PLCXD1: variants seen among roughly 807,000 people sequenced by gnomAD.
PLCXD1 encodes phosphatidylinositol specific phospholipase C X domain containing 1, also known as PI-PLC X domain-containing protein 1.
A neutral mutation model predicts 37.8 loss-of-function variants in PLCXD1; 45 were observed. That is an observed-to-expected ratio of 1.19 (90% CI 0.94 to 1.53). PLCXD1 has a LOEUF of 1.53. Among genes scored for constraint, PLCXD1 ranks in the 40% most tolerant of loss-of-function variants. The pLI, the probability that PLCXD1 is intolerant of heterozygous loss-of-function variation, is 0.00. For missense variants in PLCXD1, 539 were observed against 454.7 expected, an observed-to-expected ratio of 1.19 and a Z score of -1.69; for synonymous variants, 246 against 206.9, an observed-to-expected ratio of 1.19 and a Z score of -1.62.
intron 1 of PLCXD1, chrX:283,020 T>C (rs2069324822): frequency 6.8e-6 from 1 of 146,774 alleles, no homozygotes; most frequent in East Asian, 2.0e-4. Context: ...GTTATATATA[T>C]GTTATGTATA....
chrX:296,630 G>A (rs772885801), intron 6 of PLCXD1, among the ~76,000 whole-genome samples: 1 of 152,254 alleles, frequency 6.6e-6, no homozygotes, highest in Admixed American at 6.5e-5. Context: ...ACTATTGCAG[G>A]GACCCCACTT....
At chrX:290,578 A>G in intron 3 of PLCXD1, 70 bp from the exon 4 acceptor site, 2 of 1,575,616 alleles carry the variant, frequency 1.3e-6, no homozygotes, top group Non-Finnish European at 1.7e-6. Context: ...GGCCAACCCC[A>G]CAGCCCATTC....
At chrX:284,629 C>A (rs763160857) in intron 2 of PLCXD1, among the ~76,000 whole-genome samples, 1 of 149,642 alleles carries the variant, frequency 6.7e-6, no homozygotes, top group Admixed American at 6.7e-5. Flanking sequence ...CATCTGCACA[C>A]GCACATCTGC....
rs1429797670 is a variant in PLCXD1, at chrX:302,993, CGA to C, written c.*3663_*3664del. ...AAGCAAATCGTGCATTTTTGTCTAA[CGA>C]GAGACATCAGTTTCTCAGGATGATC... is the stretch of plus-strand genomic sequence containing the variant. On this transcript the variant is annotated 3_prime_UTR_variant, in exon 7 of 7. Transcript: ENST00000381657. 1 of 152,132 alleles carries C rather than the reference CGA, an allele frequency of 6.6e-6. No individual in the cohort carries two copies. Among genetic ancestry groups the C allele is most frequent in the African/African-American group, 2.4e-5 (1 of 41,418 alleles). The allele number at this position is 152,132 out of a possible 1,614,324, so 9.4% of individuals were successfully genotyped here. A position where few individuals can be genotyped will look rare whatever the true frequency, so the allele number is the denominator to read the frequency against.
At chrX:294,085 A>C (rs1209927327) in intron 6 of PLCXD1, among the ~76,000 whole-genome samples, 11 of 151,578 alleles carry the variant, frequency 7.3e-5, no homozygotes, top group Non-Finnish European at 1.3e-4. Context: ...ACCTGTGATC[A>C]CAGCACTTTG....
intron 6 of PLCXD1, among the ~76,000 whole-genome samples, chrX:297,720 TG>T (rs1328978214): frequency 3.2e-3 from 169 of 53,266 alleles, no homozygotes; most frequent in African/African-American, 0.028. Context: ...GTCTCCCACA[TG>T]GGGATTAGGA....
intron 4 of PLCXD1, among the ~76,000 whole-genome samples, chrX:291,131 G>A (rs1445304684): frequency 6.6e-6 from 1 of 151,848 alleles, no homozygotes; most frequent in Admixed American, 6.6e-5. Context: ...AATCCGTTAC[G>A]GAGATTTCTT....
At position 299,950 on chromosome X, in the gene PLCXD1, G is replaced by C. The variant is rs2069950114; in HGVS notation, c.*615G>C. 6.5e-6 allele frequency: 1 copy of C among 152,900 alleles called. No individual in the cohort carries two copies. The highest frequency in any genetic ancestry group is 1.4e-5 in the Non-Finnish European group (1 of 69,096). 9.5% of individuals were successfully genotyped at this position (152,900 alleles called of 1,614,324 possible). On this transcript the variant is annotated 3_prime_UTR_variant, in exon 7 of 7. Transcript: ENST00000381657. ...CACCTGTAGTGCCAGCTACTCAGGA[G>C]GCTGAGGCAGGAGAATGGCGTGAAC...
chrX:299,201 C>G lies in PLCXD1; in HGVS notation c.838C>G (p.Leu280Val), dbSNP rs753368007. The G allele has an allele frequency of 6.2e-7, 1 of 1,613,892 alleles. No individual in the cohort carries two copies. The highest frequency in any genetic ancestry group is 1.3e-5 in the African/African-American group (1 of 75,030). The part of the protein sequence containing the change: ...EKMTLPNLPR[L>V]SAWVREQCPG... ...GATGACGCTGCCCAACCTTCCGCGGCTGAGCGCGTGGGTCCGAGAGCAGTG... is the reference window on the plus strand; with the variant it reads ...GATGACGCTGCCCAACCTTCCGCGGGTGAGCGCGTGGGTCCGAGAGCAGTG... The change falls in exon 7 of 7, where the codon CTG becomes GTG. Residue 280 changes from leucine (L) to valine (V), a missense_variant. Physicochemically the swap from Leu to Val is conservative, Grantham distance 32. Transcript: ENST00000381657.
intron 2 of PLCXD1, among the ~76,000 whole-genome samples, chrX:286,874 G>A (rs1230341642): frequency 6.6e-6 from 1 of 152,000 alleles, no homozygotes; most frequent in Non-Finnish European, 1.5e-5. Flanking sequence ...GTAGGGGGCA[G>A]CAGGAGAAGT....
intron 2 of PLCXD1, among the ~76,000 whole-genome samples, 158 bp from the exon 3 acceptor site, chrX:288,575 C>T (rs1051240152): frequency 3.3e-5 from 5 of 152,056 alleles, no homozygotes; most frequent in African/African-American, 7.2e-5. Flanking sequence ...TTCCAGTGGA[C>T]GTGAGTTTTG....
intron 3 of PLCXD1, among the ~76,000 whole-genome samples, chrX:289,376 C>T (rs1336642787): frequency 3.5e-4 from 53 of 151,968 alleles, no homozygotes; most frequent in Non-Finnish European, 5.0e-4. Context: ...CGTGAGCCAC[C>T]GCGCCCGGCC....
At chrX:294,558 A>T (rs2069744786) in intron 6 of PLCXD1, among the ~76,000 whole-genome samples, 1 of 151,654 alleles carries the variant, frequency 6.6e-6, no homozygotes. Context: ...TGAATCCAGG[A>T]GGCGGAGGTT....
upstream of PLCXD1, among the ~76,000 whole-genome samples, chrX:276,670 G>T (rs2069163364): frequency 6.6e-6 from 1 of 152,172 alleles, no homozygotes; most frequent in Non-Finnish European, 1.5e-5. Flanking sequence ...AGCCAGTGTG[G>T]AAACAGCCCA....
In PLCXD1 at chrX:291,669, G is replaced by A. The variant is rs200196146; in HGVS notation, c.549+15G>A. The A allele has an allele frequency of 1.2e-6, 2 of 1,611,766 alleles. No individual in the cohort carries two copies. The highest frequency in any genetic ancestry group is 4.5e-5 in the East Asian group (2 of 44,874). On this transcript the variant is annotated intron_variant, in intron 5 of 6. Transcript: ENST00000381657. ...GTCCTCGTGGGGTGAGGAGGGGAAG[G>A]ATATCCGCACGTCTCTCCCGGGGCA...
chrX:299,178 T>A lies in PLCXD1; in HGVS notation c.815T>A (p.Met272Lys), dbSNP rs1275388809. The A allele has an allele frequency of 6.2e-7, 1 of 1,613,934 alleles. No individual in the cohort carries two copies. Among genetic ancestry groups the A allele is most frequent in the Non-Finnish European group, 8.5e-7 (1 of 1,179,856 alleles). Reference protein sequence around the residue: ...LAHPSESLEKMTLPNLPRLSA... With the variant: ...LAHPSESLEKKTLPNLPRLSA... ...CACCCGTCCGAGTCCCTGGAGAAGATGACGCTGCCCAACCTTCCGCGGCTG... is the reference window on the plus strand; with the variant it reads ...CACCCGTCCGAGTCCCTGGAGAAGAAGACGCTGCCCAACCTTCCGCGGCTG... The change falls in exon 7 of 7, where the codon ATG becomes AAG. Residue 272 changes from methionine (M) to lysine (K), a missense_variant. Transcript: ENST00000381657.
chrX:299,360 G>T lies in PLCXD1; in HGVS notation c.*25G>T, dbSNP rs202235285. The T allele has an allele frequency of 6.5e-7, 1 of 1,533,218 alleles. No homozygotes were observed. The highest frequency in any genetic ancestry group is 1.7e-5 in the Admixed American group (1 of 59,756). 95.0% of individuals were successfully genotyped at this position (1,533,218 alleles called of 1,614,324 possible). A position where few individuals can be genotyped will look rare whatever the true frequency, so the allele number is the denominator to read the frequency against. ...ACGGGACCCTTCTGAAGTTCGGGAC[G>T]CGGCGGCTGCAGTTTCACCCCCGAA... On this transcript the variant is annotated 3_prime_UTR_variant, in exon 7 of 7. Coordinates refer to ENST00000381657, the MANE Select transcript of PLCXD1 (RefSeq NM_018390.4).
rs764560530 is a variant in PLCXD1 at position 293,067 on chromosome X, G to A, written c.582G>A (p.Arg194=). The A allele has an allele frequency of 6.2e-7, 1 of 1,610,704 alleles. No homozygotes were observed. The highest frequency in any genetic ancestry group is 8.5e-7 in the Non-Finnish European group (1 of 1,179,250). ...EVPTLRQLWS[R]GQQVIVSYED... ...CGACACTGCGGCAGCTGTGGTCCCG[G>A]GGCCAACAGGTCATCGTCTCCTATG... is the stretch of plus-strand genomic sequence containing the variant. Residue 194 remains arginine, a synonymous_variant, in exon 6 of 7, where the codon CGG becomes CGA. Coordinates refer to ENST00000381657, the MANE Select transcript of PLCXD1 (RefSeq NM_018390.4).
intron 6 of PLCXD1, among the ~76,000 whole-genome samples, chrX:295,110 C>T (rs1391122316): frequency 2.8e-5 from 4 of 143,328 alleles, no homozygotes; most frequent in Non-Finnish European, 6.1e-5. Flanking sequence ...CGGAGGCTGC[C>T]GTGAGCCGAA....
Sources: allele counts gnomAD v4.1 joint callset (sites outside exome capture counted in the v4.1 genomes callset), GRCh38; gene constraint gnomAD v4.1.1; transcripts MANE v1.5; gene names NCBI Gene and HGNC (gene_info 2026-07-23, HGNC 2026-07-21).